Variants in LCLAT1 observed in about 807,000 individuals in gnomAD.
LCLAT1 encodes the protein 1-AGP acyltransferase 8.
LCLAT1 carries 11 observed loss-of-function variants against 30.7 expected under a neutral mutation model. The observed-to-expected ratio is 0.36, with a 90% confidence interval of 0.23 to 0.59. The LOEUF (loss-of-function observed/expected upper bound fraction) is 0.59. Ranked by LOEUF, LCLAT1 falls within the 20% of genes least tolerant of loss-of-function variation. The probability of loss-of-function intolerance (pLI) is 0.77; values close to 1 mark genes in which losing one functional copy is unlikely to be tolerated. For missense variants in LCLAT1, 402 were observed against 458.6 expected (o/e 0.88, Z 1.13); for synonymous variants, 155 against 151.3 (o/e 1.02, Z -0.18).
intron 1 of LCLAT1, among the ~76,000 whole-genome samples, chr2:30,516,562 A>G (rs561614515): frequency 6.6e-6 from 1 of 152,198 alleles, no homozygotes; most frequent in African/African-American, 2.4e-5. Flanking sequence ...TAACAGAGCT[A>G]TAACACTCCC....
At chr2:30,486,048 T>C (rs923459338) in intron 1 of LCLAT1, among the ~76,000 whole-genome samples, 2 of 152,190 alleles carry the variant, frequency 1.3e-5, no homozygotes, top group Non-Finnish European at 2.9e-5. Context: ...TAAACCCTTA[T>C]GGCTTTTAGG....
intron 1 of LCLAT1, among the ~76,000 whole-genome samples, chr2:30,450,980 C>CAT (rs61020400): frequency 2.0e-5 from 3 of 151,674 alleles, no homozygotes; most frequent in East Asian, 1.9e-4. Flanking sequence ...GGACTCATAC[C>CAT]GTGTGTGTGT....
At chr2:30,528,846 T>C (rs1291278063) in intron 2 of LCLAT1, among the ~76,000 whole-genome samples, 1 of 152,192 alleles carries the variant, frequency 6.6e-6, no homozygotes, top group Non-Finnish European at 1.5e-5. Context: ...GAAAGTTTTT[T>C]TAGTTAAGAA....
At chr2:30,489,594 T>C (rs879256328) in intron 1 of LCLAT1, among the ~76,000 whole-genome samples, 6 of 152,214 alleles carry the variant, frequency 3.9e-5, no homozygotes, top group Non-Finnish European at 8.8e-5. Context: ...CCTCGTGATC[T>C]GCCCGCCTTG....
At chr2:30,547,609 A>G (rs1664484871) in intron 3 of LCLAT1, among the ~76,000 whole-genome samples, 1 of 152,050 alleles carries the variant, frequency 6.6e-6, no homozygotes, top group Admixed American at 6.6e-5. Flanking sequence ...ATGAAGGTCC[A>G]GTGCCACTCT....
chr2:30,494,853 G>A (rs919432530), intron 1 of LCLAT1, among the ~76,000 whole-genome samples: 2 of 146,222 alleles, frequency 1.4e-5, no homozygotes, highest in African/African-American at 5.0e-5. Flanking sequence ...ATTTATCACT[G>A]ATTTTTCTGT....
At position 30,610,706 on chromosome 2, in the gene LCLAT1, C is replaced by T. The variant is rs114292553; in HGVS notation, c.629-29411C>T. On this transcript the variant is annotated intron_variant, in intron 5 of 5. Coordinates refer to ENST00000379509, the MANE Select transcript of LCLAT1 (RefSeq NM_001002257.3). ...ATAATGTTGGAGCTTAGAGTTAGTA[C>T]ATTCTTGTGTTACTTGGGTTTGGGA... 6.6e-3 allele frequency among the ~76,000 whole-genome samples: 1,009 copies of T among 152,152 alleles called. 11 individuals are homozygous for T. The highest frequency in any genetic ancestry group is 0.023 in the African/African-American group (956 of 41,522).
intron 1 of LCLAT1, among the ~76,000 whole-genome samples, chr2:30,471,665 T>A (rs35116667): frequency 6.6e-6 from 1 of 152,018 alleles, no homozygotes; most frequent in East Asian, 1.9e-4. Context: ...ATGGAATTAC[T>A]AATTTTCCTT....
rs1394045627 is a variant in LCLAT1 at position 30,640,243 on chromosome 2, T to C, written c.755T>C (p.Ile252Thr). ...EIHFHVHRYP[I>T]DTLPTSKEDL... is the part of the protein sequence containing the mutation. Reference sequence around the variant, plus strand: ...CACTTTCACGTCCACCGGTATCCAATAGACACCCTCCCCACATCCAAGGAG... The same window carrying C: ...CACTTTCACGTCCACCGGTATCCAACAGACACCCTCCCCACATCCAAGGAG... Residue 252 changes from isoleucine to threonine, a missense_variant, in exon 6 of 6, where the codon ATA becomes ACA. Coordinates refer to ENST00000379509, the MANE Select transcript of LCLAT1 (RefSeq NM_001002257.3). The C allele has an allele frequency of 1.9e-6, 3 of 1,613,966 alleles. No individual in the cohort carries two copies. Among genetic ancestry groups the C allele is most frequent in the African/African-American group, 1.3e-5 (1 of 74,916 alleles).
chr2:30,456,349 G>T (rs1572466227), intron 1 of LCLAT1, among the ~76,000 whole-genome samples: 1 of 152,188 alleles, frequency 6.6e-6, no homozygotes, highest in African/African-American at 2.4e-5. Context: ...TTACTGCCAG[G>T]TGGGAGGAGG....
intron 5 of LCLAT1, among the ~76,000 whole-genome samples, chr2:30,609,475 A>T (rs1667627231): frequency 6.6e-6 from 1 of 151,936 alleles, no homozygotes; most frequent in Non-Finnish European, 1.5e-5. Flanking sequence ...TTGATTTGTG[A>T]TGTTACCTTT....
chr2:30,586,215 C>T (rs550911651), intron 5 of LCLAT1, among the ~76,000 whole-genome samples: 1 of 134,168 alleles, frequency 7.5e-6, no homozygotes, highest in South Asian at 2.4e-4. Flanking sequence ...GCACTCCAGC[C>T]TGGGTGACAG....
intron 3 of LCLAT1, among the ~76,000 whole-genome samples, chr2:30,537,604 A>T (rs376086922): frequency 1.3e-5 from 2 of 152,218 alleles, no homozygotes; most frequent in East Asian, 3.9e-4. Context: ...TTAGATCTAA[A>T]GGGAGCGTTA....
chr2:30,602,156 A>G (rs1314083491), intron 5 of LCLAT1, among the ~76,000 whole-genome samples: 1 of 152,174 alleles, frequency 6.6e-6, no homozygotes, highest in Non-Finnish European at 1.5e-5. Flanking sequence ...AAAGACCTGT[A>G]GGGCTTTCAT....
chr2:30,642,730 A>G lies in LCLAT1; in HGVS notation c.*2111A>G, dbSNP rs1391831080. 6.7e-6 allele frequency: 1 copy of G among 149,966 alleles called. No individual in the cohort carries two copies. The highest frequency in any genetic ancestry group is 2.0e-4 in the East Asian group (1 of 5,042). 9.3% of individuals were successfully genotyped at this position (149,966 alleles called of 1,614,324 possible). A position where few individuals can be genotyped will look rare whatever the true frequency, so the allele number is the denominator to read the frequency against. On this transcript the variant is annotated 3_prime_UTR_variant, in exon 6 of 6. Coordinates refer to ENST00000379509, the MANE Select transcript of LCLAT1 (RefSeq NM_001002257.3). The stretch of plus-strand genomic sequence containing the variant: ...TTACAATTTTGTTCCTTTTCATCAT[A>G]GAAAACATGTTTAAGATAAAATACA...
At chr2:30,508,460 G>A (rs1684779249) in intron 1 of LCLAT1, among the ~76,000 whole-genome samples, 1 of 152,038 alleles carries the variant, frequency 6.6e-6, no homozygotes, top group African/African-American at 2.4e-5. Flanking sequence ...ATCGTGTAAG[G>A]AAGGGGTCCA....
At chr2:30,568,226 C>A (rs200770060) in intron 5 of LCLAT1, 50 bp downstream of exon 5, 42 of 987,980 alleles carry the variant, frequency 4.3e-5, no homozygotes, top group Non-Finnish European at 6.2e-5. Context: ...GCAAAAATTG[C>A]TAAGCTTTAT....
chr2:30,515,496 A>G (rs73922657), intron 1 of LCLAT1, among the ~76,000 whole-genome samples: 1,629 of 152,306 alleles, frequency 0.011, 23 homozygotes, highest in African/African-American at 0.038. Flanking sequence ...ACACTGTCAT[A>G]TGTTAACTTA....
chr2:30,598,793 A>G (rs970216103), intron 5 of LCLAT1, among the ~76,000 whole-genome samples: 4 of 152,248 alleles, frequency 2.6e-5, no homozygotes, highest in Admixed American at 6.5e-5. Context: ...ATTTAGTGCT[A>G]TAAATTTCCC....
Sources: gnomAD v4.1 joint callset for allele counts (sites outside exome capture counted in the v4.1 genomes callset) on GRCh38, gnomAD v4.1.1 for gene constraint, MANE v1.5 for transcripts, NCBI Gene and HGNC (gene_info 2026-07-23, HGNC 2026-07-21) for gene names.